Variants in BORCS5 observed in about 807,000 individuals in gnomAD.
BORCS5 encodes the protein BLOC-1-related complex subunit 5.
A neutral mutation model predicts 22.1 loss-of-function variants in BORCS5; 17 were observed. That is an observed-to-expected ratio of 0.77 (90% CI 0.53 to 1.15). BORCS5 has a LOEUF of 1.15. BORCS5 is among the 50% of genes most tolerant of loss of function. The probability of loss-of-function intolerance (pLI) is 0.00; values close to 1 mark genes in which losing one functional copy is unlikely to be tolerated. For synonymous variants in BORCS5, 117 were observed against 99.8 expected (o/e 1.17, Z -1.03); for missense variants, 247 against 253.2 (o/e 0.98, Z 0.17).
chr12:12,416,184 G>A (rs1346325428), intron 2 of BORCS5, among the ~76,000 whole-genome samples: 2 of 151,986 alleles, frequency 1.3e-5, no homozygotes, highest in Admixed American at 6.6e-5. Context: ...ACACTTTCTC[G>A]TTTTAGTATT....
chr12:12,464,664 G>A (rs1943167483), intron 3 of BORCS5, among the ~76,000 whole-genome samples: 1 of 152,134 alleles, frequency 6.6e-6, no homozygotes, highest in Non-Finnish European at 1.5e-5. Context: ...TGCCCAACAC[G>A]ATGGCGGTCT....
At chr12:12,446,447 A>G (rs1411635335) in intron 3 of BORCS5, among the ~76,000 whole-genome samples, 1 of 152,068 alleles carries the variant, frequency 6.6e-6, no homozygotes, top group Non-Finnish European at 1.5e-5. Context: ...ACCAATGGCA[A>G]CCCCAAATCC....
intron 2 of BORCS5, among the ~76,000 whole-genome samples, chr12:12,364,066 G>T (rs539231973): frequency 2.0e-5 from 3 of 152,156 alleles, no homozygotes; most frequent in South Asian, 2.1e-4. Context: ...CTAGAGAAAA[G>T]AAAATGTATT....
intron 3 of BORCS5, among the ~76,000 whole-genome samples, chr12:12,457,114 C>T (rs925668901): frequency 6.6e-6 from 1 of 152,178 alleles, no homozygotes; most frequent in Admixed American, 6.5e-5. Context: ...TATTTTATCA[C>T]TTATGGAGCT....
intron 3 of BORCS5, 50 bp from the exon 4 acceptor site, chr12:12,465,496 A>T: frequency 2.0e-6 from 3 of 1,532,110 alleles, no homozygotes; most frequent in Non-Finnish European, 2.7e-6. Flanking sequence ...GGCCCTGCGG[A>T]GAGGACTTGA....
intron 2 of BORCS5, among the ~76,000 whole-genome samples, chr12:12,391,608 G>A (rs1166897320): frequency 1.3e-5 from 2 of 151,004 alleles, no homozygotes; most frequent in African/African-American, 2.4e-5. Flanking sequence ...GGCTGGTCTC[G>A]AACTCCTGAC....
chr12:12,438,793 A>G (rs1942620381), intron 3 of BORCS5, among the ~76,000 whole-genome samples: 1 of 152,214 alleles, frequency 6.6e-6, no homozygotes, highest in Admixed American at 6.5e-5. Flanking sequence ...AAATCCCCAG[A>G]CATTATTTCA....
At chr12:12,363,419 G>T (rs940510081) in intron 2 of BORCS5, among the ~76,000 whole-genome samples, 16 of 152,198 alleles carry the variant, frequency 1.1e-4, no homozygotes, top group Non-Finnish European at 8.8e-5. Flanking sequence ...GGCCAACATG[G>T]TGAAACCCCA....
chr12:12,458,346 A>T (rs1943036515), intron 3 of BORCS5, among the ~76,000 whole-genome samples: 1 of 152,178 alleles, frequency 6.6e-6, no homozygotes. Flanking sequence ...ACAATAATTC[A>T]GTAATGTTTT....
At chr12:12,438,874 T>G (rs1942622047) in intron 3 of BORCS5, among the ~76,000 whole-genome samples, 1 of 152,222 alleles carries the variant, frequency 6.6e-6, no homozygotes, top group Non-Finnish European at 1.5e-5. Context: ...AAATTTGAAT[T>G]AATTTTAGAC....
At chr12:12,413,283 T>C (rs1389163958) in intron 2 of BORCS5, among the ~76,000 whole-genome samples, 1 of 123,320 alleles carries the variant, frequency 8.1e-6, no homozygotes, top group Non-Finnish European at 1.7e-5. Flanking sequence ...GTGATGACTC[T>C]TAAGGAGCAT....
intron 2 of BORCS5, among the ~76,000 whole-genome samples, chr12:12,376,841 G>A (rs1243642767): frequency 6.6e-6 from 1 of 152,090 alleles, no homozygotes; most frequent in Non-Finnish European, 1.5e-5. Flanking sequence ...AAAACAATTG[G>A]TAAGCTTGTT....
intron 2 of BORCS5, among the ~76,000 whole-genome samples, chr12:12,385,248 C>G (rs542317936): frequency 6.6e-6 from 1 of 151,454 alleles, no homozygotes; most frequent in Non-Finnish European, 1.5e-5. Context: ...TTGCCCTGAC[C>G]ACGACCACAA....
chr12:12,448,176 C>A (rs1942829022), intron 3 of BORCS5, among the ~76,000 whole-genome samples: 1 of 152,120 alleles, frequency 6.6e-6, no homozygotes, highest in Non-Finnish European at 1.5e-5. Context: ...GCTTCCTTTC[C>A]ACCTCTTTGT....
chr12:12,418,935 T>C (rs1487019262), intron 2 of BORCS5, among the ~76,000 whole-genome samples: 3 of 152,194 alleles, frequency 2.0e-5, no homozygotes, highest in Non-Finnish European at 4.4e-5. Flanking sequence ...TTATAGCTTT[T>C]TTTTGTTTGT....
chr12:12,451,666 G>A (rs1450930251), intron 3 of BORCS5, among the ~76,000 whole-genome samples: 4 of 152,106 alleles, frequency 2.6e-5, no homozygotes, highest in Admixed American at 6.5e-5. Flanking sequence ...GGCGGATCAC[G>A]AGGTCAAGAG....
At chr12:12,420,677 G>A (rs1942095092) in intron 2 of BORCS5, among the ~76,000 whole-genome samples, 1 of 152,182 alleles carries the variant, frequency 6.6e-6, no homozygotes, top group Non-Finnish European at 1.5e-5. Flanking sequence ...GTATCCGTGA[G>A]CATGGAATAT....
At chr12:12,391,800 G>C (rs1243391062) in intron 2 of BORCS5, among the ~76,000 whole-genome samples, 3 of 149,456 alleles carry the variant, frequency 2.0e-5, no homozygotes, top group Non-Finnish European at 4.4e-5. Flanking sequence ...GGGAGGCCAA[G>C]GTGGGCAGAT....
At chr12:12,408,678 C>T (rs1941646981) in intron 2 of BORCS5, among the ~76,000 whole-genome samples, 1 of 152,178 alleles carries the variant, frequency 6.6e-6, no homozygotes, top group African/African-American at 2.4e-5. Context: ...GCTTACTTCA[C>T]TTAGTGTAAT....
Sources: allele counts gnomAD v4.1 joint callset (sites outside exome capture counted in the v4.1 genomes callset), GRCh38; gene constraint gnomAD v4.1.1; transcripts MANE v1.5; gene names NCBI Gene and HGNC (gene_info 2026-07-23, HGNC 2026-07-21).